CDH13: variants seen among roughly 807,000 people sequenced by gnomAD.
CDH13 encodes the protein cadherin-13.
In CDH13, 24 loss-of-function variants were observed where a neutral mutation model predicts 63.8. That is an observed-to-expected ratio of 0.38 (90% CI 0.27 to 0.53). CDH13 has a LOEUF of 0.53. Among genes scored for constraint, CDH13 ranks in the 20% least tolerant of loss-of-function variants. CDH13 has a pLI of 0.85. For synonymous variants in CDH13, 503 were observed against 355.3 expected, an observed-to-expected ratio of 1.42 and a Z score of -4.67; for missense variants, 1,049 against 903.1, an observed-to-expected ratio of 1.16 and a Z score of -2.07.
intron 2 of CDH13, among the ~76,000 whole-genome samples, chr16:82,945,462 C>A (rs1214632196): frequency 6.6e-6 from 1 of 152,180 alleles, no homozygotes; most frequent in Non-Finnish European, 1.5e-5. Context: ...CTTTCCCTTA[C>A]AGGGTGCTAA....
chr16:83,275,947 G>A (rs1410083500), intron 5 of CDH13, among the ~76,000 whole-genome samples: 4 of 152,102 alleles, frequency 2.6e-5, no homozygotes, highest in Admixed American at 6.5e-5. Context: ...AGAAAAAATC[G>A]AGGTGGCTTA....
intron 1 of CDH13, among the ~76,000 whole-genome samples, chr16:82,760,851 G>A (rs565449633): frequency 2.0e-5 from 3 of 151,750 alleles, no homozygotes; most frequent in Admixed American, 2.0e-4. Context: ...AGAGGAGGAA[G>A]TGCCAGGCCC....
chr16:82,699,942 A>G (rs2030782607), intron 1 of CDH13, among the ~76,000 whole-genome samples: 1 of 152,258 alleles, frequency 6.6e-6, no homozygotes, highest in African/African-American at 2.4e-5. Flanking sequence ...TCATCCAATT[A>G]GTTGGCTGGG....
intron 7 of CDH13, among the ~76,000 whole-genome samples, chr16:83,493,987 G>T (rs7195409): frequency 6.6e-6 from 1 of 151,974 alleles, no homozygotes; most frequent in Admixed American, 6.6e-5. Flanking sequence ...ACCTCAGTCC[G>T]TAGGTATTTT....
chr16:82,690,713 A>T (rs559869026), intron 1 of CDH13, among the ~76,000 whole-genome samples: 1 of 152,242 alleles, frequency 6.6e-6, no homozygotes, highest in Non-Finnish European at 1.5e-5. Context: ...GTTGTTCATG[A>T]ATAAAAGAAA....
intron 5 of CDH13, among the ~76,000 whole-genome samples, chr16:83,248,960 A>G (rs146518892): frequency 3.3e-5 from 5 of 152,314 alleles, no homozygotes; most frequent in African/African-American, 9.6e-5. Flanking sequence ...TTGGCAAGGA[A>G]GTTATCACCA....
chr16:82,990,960 T>C (rs576701830), intron 2 of CDH13, among the ~76,000 whole-genome samples: 50 of 152,304 alleles, frequency 3.3e-4, no homozygotes, highest in African/African-American at 1.2e-3. Context: ...ATGGCTCTGG[T>C]TTGAGAACAA....
At chr16:83,541,042 C>A (rs1288911828) in intron 7 of CDH13, among the ~76,000 whole-genome samples, 1 of 152,106 alleles carries the variant, frequency 6.6e-6, no homozygotes, top group African/African-American at 2.4e-5. Context: ...TTGACGTCTC[C>A]TGGTTGGAGT....
chr16:83,430,426 A>C (rs924227695), intron 6 of CDH13, among the ~76,000 whole-genome samples: 2 of 152,224 alleles, frequency 1.3e-5, no homozygotes, highest in African/African-American at 4.8e-5. Flanking sequence ...CAAACAACCT[A>C]ATTGATGGGA....
intron 4 of CDH13, among the ~76,000 whole-genome samples, chr16:83,170,117 C>T (rs943356346): frequency 6.6e-6 from 1 of 151,758 alleles, no homozygotes; most frequent in African/African-American, 2.4e-5. Flanking sequence ...ACTTTGGGAC[C>T]ATCTCATATA....
chr16:82,870,886 G>T (rs964415943), intron 2 of CDH13, among the ~76,000 whole-genome samples: 3 of 152,224 alleles, frequency 2.0e-5, no homozygotes, highest in African/African-American at 7.2e-5. Context: ...GCATAGGGAT[G>T]ATTGTAGCTG....
At chr16:83,332,024 G>T (rs1177088811) in intron 5 of CDH13, among the ~76,000 whole-genome samples, 2 of 152,052 alleles carry the variant, frequency 1.3e-5, no homozygotes, top group African/African-American at 4.8e-5. Context: ...ATTTCGGAAA[G>T]ATTTTTTCAT....
At chr16:83,659,102 A>T (rs1913192009) in intron 8 of CDH13, among the ~76,000 whole-genome samples, 1 of 146,914 alleles carries the variant, frequency 6.8e-6, no homozygotes. Context: ...CCTCACCACC[A>T]GGTCCCATAT....
At chr16:83,566,946 A>G (rs1269050716) in intron 7 of CDH13, among the ~76,000 whole-genome samples, 2 of 152,084 alleles carry the variant, frequency 1.3e-5, no homozygotes, top group African/African-American at 4.8e-5. Context: ...TCCCTCACCT[A>G]TTCTTTCTCT....
intron 1 of CDH13, among the ~76,000 whole-genome samples, chr16:82,651,626 C>T (rs1212431743): frequency 6.6e-6 from 1 of 152,188 alleles, no homozygotes; most frequent in African/African-American, 2.4e-5. Context: ...TGGTGTTTTT[C>T]CACTTTACAG....
At chr16:83,029,582 C>T (rs1319523092) in intron 2 of CDH13, among the ~76,000 whole-genome samples, 2 of 152,132 alleles carry the variant, frequency 1.3e-5, no homozygotes, top group Non-Finnish European at 2.9e-5. Flanking sequence ...TGATGAATCT[C>T]GTGGCATGTA....
intron 10 of CDH13, among the ~76,000 whole-genome samples, chr16:83,744,548 G>A (rs369152488): frequency 2.0e-5 from 3 of 152,350 alleles, no homozygotes; most frequent in East Asian, 3.9e-4. Context: ...CACAGTTGCA[G>A]CATCAAAACA....
chr16:83,329,107 G>A (rs1476473471), intron 5 of CDH13, among the ~76,000 whole-genome samples: 1 of 152,232 alleles, frequency 6.6e-6, no homozygotes, highest in Non-Finnish European at 1.5e-5. Flanking sequence ...TCAGAATTAT[G>A]TGGGATGAGT....
intron 1 of CDH13, among the ~76,000 whole-genome samples, chr16:82,838,450 A>T (rs2038865242): frequency 6.6e-6 from 1 of 152,196 alleles, no homozygotes; most frequent in African/African-American, 2.4e-5. Flanking sequence ...TGAAGCCCCC[A>T]CACCCTTCCT....
Sources: allele counts gnomAD v4.1 joint callset (sites outside exome capture counted in the v4.1 genomes callset), GRCh38; gene constraint gnomAD v4.1.1; transcripts MANE v1.5; gene names NCBI Gene and HGNC (gene_info 2026-07-23, HGNC 2026-07-21).